Variants in IRF2BP2 observed in about 807,000 individuals in gnomAD.
The protein encoded by IRF2BP2 is interferon regulatory factor 2-binding protein 2.
Under a neutral mutation model 32.7 loss-of-function variants are expected in IRF2BP2, and 13 were observed. That is an observed-to-expected ratio of 0.40 (90% CI 0.26 to 0.63). The LOEUF (loss-of-function observed/expected upper bound fraction) is 0.63. IRF2BP2 is among the 30% of genes least tolerant of loss of function. The pLI, the probability that IRF2BP2 is intolerant of heterozygous loss-of-function variation, is 0.42. For missense variants in IRF2BP2, 980 were observed against 830.6 expected (o/e 1.18, Z -2.21); for synonymous variants, 555 against 384.6 (o/e 1.44, Z -5.18).
rs537798849 is a variant in IRF2BP2 at position 234,607,327 on chromosome 1, G to C, written c.1574C>G (p.Pro525Arg). 6.2e-7 allele frequency: 1 copy of C among 1,614,256 alleles called. No individual in the cohort carries two copies. The highest frequency in any genetic ancestry group is 1.1e-5 in the South Asian group (1 of 91,092). The change falls in exon 2 of 2, where the codon CCT becomes CGT. Residue 525 changes from proline (P) to arginine (R), a missense_variant. Coordinates refer to ENST00000366609, the MANE Select transcript of IRF2BP2 (RefSeq NM_182972.3). ...GCAAGGGAAGCAGAACTTGTGCGAA[G>C]GGACGGACGGGCACTGCACAAAATG... The part of the protein sequence containing the change: ...DTHFVQCPSV[P>R]SHKFCFPCSR...
rs952821060 is a variant in IRF2BP2, at chr1:234,609,633, AGGCGGC to A, written c.-145_-140del. 1.7e-4 allele frequency: 55 copies of A among 316,842 alleles called. No homozygotes were observed. Among genetic ancestry groups the A allele is most frequent in the African/African-American group, 5.9e-4 (25 of 42,038 alleles). The allele number at this position is 316,842 out of a possible 1,614,324, so 19.6% of individuals were successfully genotyped here. A position where few individuals can be genotyped will look rare whatever the true frequency, so the allele number is the denominator to read the frequency against. ...CCACCAGCGGCGGCGGCGGCCGCAA[AGGCGGC>A]GGCGGCGGCGGCAAAGCCCGCGAAG... On this transcript the variant is annotated 5_prime_UTR_variant, in exon 1 of 2. Transcript: ENST00000366609.
intron 1 of IRF2BP2, 143 bp from the exon 2 acceptor site, chr1:234,607,995 G>C: frequency 1.1e-5 from 7 of 659,574 alleles, no homozygotes; most frequent in Non-Finnish European, 1.5e-5. Context: ...TCATATACGA[G>C]TTTCAGGTGC....
rs991003828 is a variant in IRF2BP2 at position 234,609,764 on chromosome 1, G to T, written c.-270C>A. ...AGTTCCCCCCGGCCGGCCCGGGCAC[G>T]GGCGGGCGGCGCGGCGCGGCGGGGC... is the stretch of plus-strand genomic sequence containing the variant. On this transcript the variant is annotated 5_prime_UTR_variant, in exon 1 of 2. Transcript: ENST00000366609. 3.5e-5 allele frequency among the ~76,000 whole-genome samples: 5 copies of T among 144,216 alleles called. No individual in the cohort carries two copies. The highest frequency in any genetic ancestry group is 2.0e-4 in the East Asian group (1 of 4,914). The allele number at this position is 144,216 out of a possible 152,430, so 94.6% of individuals were successfully genotyped here.
rs1315367447 is a variant in IRF2BP2 at position 234,606,926 on chromosome 1, C to CA, written c.*210dup. On this transcript the variant is annotated 3_prime_UTR_variant, in exon 2 of 2. Coordinates refer to ENST00000366609, the MANE Select transcript of IRF2BP2 (RefSeq NM_182972.3). The stretch of plus-strand genomic sequence containing the variant: ...CACAAAGATATGCTAATAACGTTAA[C>CA]AAAAGAAAAAAATGTCTTTATAAGT... The CA allele has an allele frequency of 4.4e-6, 2 of 459,136 alleles. No individual in the cohort carries two copies. The highest frequency in any genetic ancestry group is 7.7e-6 in the Non-Finnish European group (2 of 259,034). The allele number at this position is 459,136 out of a possible 1,614,324, so 28.4% of individuals were successfully genotyped here.
Position 234,608,842 on chromosome 1 carries a change from C to T in IRF2BP2, c.653G>A (p.Gly218Glu). The change falls in exon 1 of 2, where the codon GGA becomes GAA. Residue 218 changes from glycine (G) to glutamate (E), a missense_variant. Coordinates refer to ENST00000366609, the MANE Select transcript of IRF2BP2 (RefSeq NM_182972.3). ...RAAASLAAVS[G>E]TAAASLGSAQ... The stretch of plus-strand genomic sequence containing the variant: ...GGAGCCCAGGCTGGCGGCCGCGGTT[C>T]CGGACACCGCGGCTAAGGAGGCGGC... The T allele has an allele frequency of 7.5e-7, 1 of 1,338,926 alleles. No individual in the cohort carries two copies. The highest frequency in any genetic ancestry group is 9.5e-7 in the Non-Finnish European group (1 of 1,055,170). The allele number at this position is 1,338,926 out of a possible 1,614,324, so 82.9% of individuals were successfully genotyped here.
intron 1 of IRF2BP2, 109 bp from the exon 2 acceptor site, chr1:234,607,961 T>A (rs186099375): frequency 2.3e-6 from 2 of 862,272 alleles, no homozygotes; most frequent in African/African-American, 1.7e-5. Context: ...ATTCCTCCTC[T>A]CTAAAAGCAC....
chr1:234,605,158 T>C lies in IRF2BP2; in HGVS notation c.*1979A>G, dbSNP rs1672125136. ...ACGACTGATCAAGTTGTAACATCTG[T>C]GAGGTCAAATTCCAAAGTGCCTAGA... On this transcript the variant is annotated 3_prime_UTR_variant, in exon 2 of 2. Coordinates refer to ENST00000366609, the MANE Select transcript of IRF2BP2 (RefSeq NM_182972.3). The C allele has an allele frequency of 1.0e-5, 1 of 96,126 alleles. No homozygotes were observed. The highest frequency in any genetic ancestry group is 9.7e-5 in the Admixed American group (1 of 10,314). 6.0% of individuals were successfully genotyped at this position (96,126 alleles called of 1,614,324 possible). A position where few individuals can be genotyped will look rare whatever the true frequency, so the allele number is the denominator to read the frequency against.
rs952773667 is a variant in IRF2BP2 at position 234,609,573 on chromosome 1, G to C, written c.-79C>G. 1.2e-6 allele frequency: 1 copy of C among 848,252 alleles called. No individual in the cohort carries two copies. The highest frequency in any genetic ancestry group is 1.8e-5 in the African/African-American group (1 of 54,770). 52.5% of individuals were successfully genotyped at this position (848,252 alleles called of 1,614,324 possible). On this transcript the variant is annotated 5_prime_UTR_variant, in exon 1 of 2. Transcript: ENST00000366609. ...CGCCGCCGCCCCCCACCGGCACCAC[G>C]CGCGCCCTCCTCCCCCCCCAACCCC...
rs773065109 is a variant in IRF2BP2, at chr1:234,608,446, C to T, written c.1048+1G>A. On this transcript the variant is annotated splice_donor_variant, in intron 1 of 1. Transcript: ENST00000366609. LOFTEE classifies it high-confidence loss of function. ...CCCCCTCACTTCACAGCCGCCCCTA[C>T]CTGCTTTAGACCCGTTGGCCCCGTT... The T allele has an allele frequency of 1.3e-6, 2 of 1,548,712 alleles. No homozygotes were observed. Among genetic ancestry groups the T allele is most frequent in the Non-Finnish European group, 1.7e-6 (2 of 1,142,864 alleles).
Position 234,606,771 on chromosome 1 carries a change from G to C in IRF2BP2, c.*366C>G, listed in dbSNP as rs1238030891. On this transcript the variant is annotated 3_prime_UTR_variant, in exon 2 of 2. Transcript: ENST00000366609. The stretch of plus-strand genomic sequence containing the variant: ...CTTACAATGTCAGAAAATGTATTTG[G>C]CTTTTTTTTTCTTTTTAAAATAAGT... The C allele has an allele frequency of 6.2e-6, 1 of 160,918 alleles. No homozygotes were observed. 10.0% of individuals were successfully genotyped at this position (160,918 alleles called of 1,614,324 possible). A position where few individuals can be genotyped will look rare whatever the true frequency, so the allele number is the denominator to read the frequency against.
rs1672311567 is a variant in IRF2BP2, at chr1:234,610,140, T to C, written c.-646A>G. Among the ~76,000 whole-genome samples, 3 of 148,120 alleles carry C rather than the reference T, an allele frequency of 2.0e-5. No homozygotes were observed. Among genetic ancestry groups the C allele is most frequent in the Non-Finnish European group, 3.0e-5 (2 of 66,400 alleles). ...CGCCTCAGCTCCGCCGCCGCCACCG[T>C]CGCTGCTGCTGCTGCCGCCGCGACC... On this transcript the variant is annotated 5_prime_UTR_variant, in exon 1 of 2. Transcript: ENST00000366609.
chr1:234,609,513 G>T lies in IRF2BP2; in HGVS notation c.-19C>A. On this transcript the variant is annotated 5_prime_UTR_variant, in exon 1 of 2. Coordinates refer to ENST00000366609, the MANE Select transcript of IRF2BP2 (RefSeq NM_182972.3). ...CGGCCATGTCCGAGGAGCCCGCGAC[G>T]CCGGAGGAGGAGGCGGAGGAGGAGG... The T allele has an allele frequency of 7.0e-7, 1 of 1,432,780 alleles. No homozygotes were observed. The highest frequency in any genetic ancestry group is 9.3e-7 in the Non-Finnish European group (1 of 1,080,882). 88.8% of individuals were successfully genotyped at this position (1,432,780 alleles called of 1,614,324 possible).
Position 234,608,875 on chromosome 1 carries a change from C to T in IRF2BP2, c.620G>A (p.Gly207Asp). 1 of 1,316,898 alleles carries T rather than the reference C, an allele frequency of 7.6e-7. No homozygotes were observed. Among genetic ancestry groups the T allele is most frequent in the Non-Finnish European group, 9.6e-7 (1 of 1,042,498 alleles). The allele number at this position is 1,316,898 out of a possible 1,614,324, so 81.6% of individuals were successfully genotyped here. Residue 207 changes from glycine (G) to aspartate (D), a missense_variant, in exon 1 of 2, where the codon GGC becomes GAC. By Grantham distance (94) the Gly-to-Asp change is moderately conservative (BLOSUM62 -1). Transcript: ENST00000366609. Reference sequence around the variant, plus strand: ...CGCGGCTAAGGAGGCGGCAGCGCGGCCGCCGAGGCCGAGCGCGGTGGGCAG... The same window carrying T: ...CGCGGCTAAGGAGGCGGCAGCGCGGTCGCCGAGGCCGAGCGCGGTGGGCAG... ...TPLPTALGLG[G>D]RAAASLAAVS...
At chr1:234,608,057 T>G (rs1672216090) in intron 1 of IRF2BP2, 1 of 570,872 alleles carries the variant, frequency 1.8e-6, no homozygotes. Context: ...AGCAGACTGA[T>G]TTAAAATGGA....
In IRF2BP2 at chr1:234,605,769, T is replaced by C. The variant is rs1489574033; in HGVS notation, c.*1368A>G. 3 of 152,218 alleles carry C rather than the reference T, an allele frequency of 2.0e-5. No individual in the cohort carries two copies. Among genetic ancestry groups the C allele is most frequent in the African/African-American group, 7.2e-5 (3 of 41,446 alleles). The allele number at this position is 152,218 out of a possible 1,614,324, so 9.4% of individuals were successfully genotyped here. ...ATCACTGTGAGACAACTATTTCTAA[T>C]AATTGATGATTTATTGGTTTTAAAA... On this transcript the variant is annotated 3_prime_UTR_variant, in exon 2 of 2. Coordinates refer to ENST00000366609, the MANE Select transcript of IRF2BP2 (RefSeq NM_182972.3).
Position 234,608,604 on chromosome 1 carries a change from G to A in IRF2BP2, c.891C>T (p.Asp297=), listed in dbSNP as rs534658803. ...GCACGGTCTTGGGCCTGTTGACCCA[G>A]TCCTGCTCTCCAGACCCGCGGCTCT... is the stretch of plus-strand genomic sequence containing the variant. ...AGKSRGSGEQ[D]WVNRPKTVRD... is the part of the protein sequence containing the mutation. The change falls in exon 1 of 2, where the codon GAC becomes GAT. Residue 297 remains aspartate, a synonymous_variant. Transcript: ENST00000366609. 1.3e-6 allele frequency: 2 copies of A among 1,593,122 alleles called. No individual in the cohort carries two copies. The highest frequency in any genetic ancestry group is 1.4e-5 in the African/African-American group (1 of 73,498).
chr1:234,606,436 T>C lies in IRF2BP2; in HGVS notation c.*701A>G, dbSNP rs1483128082. 3.3e-5 allele frequency: 5 copies of C among 151,106 alleles called. No homozygotes were observed. The South Asian group carries it at 8.3e-4, about 25-fold the overall frequency. 9.4% of individuals were successfully genotyped at this position (151,106 alleles called of 1,614,324 possible). A position where few individuals can be genotyped will look rare whatever the true frequency, so the allele number is the denominator to read the frequency against. ...ATCTTACAACTGATCACGTGGACAG[T>C]GAACAGCGGTCAACTTTGTCTTAAA... On this transcript the variant is annotated 3_prime_UTR_variant, in exon 2 of 2. Transcript: ENST00000366609.
Position 234,607,527 on chromosome 1 carries a change from C to A in IRF2BP2, c.1374G>T (p.Pro458=). The A allele has an allele frequency of 4.3e-6, 7 of 1,614,144 alleles. No individual in the cohort carries two copies. The highest frequency in any genetic ancestry group is 1.3e-5 in the African/African-American group (1 of 75,064). The part of the protein sequence containing the change: ...HSTTRRNSNS[P]PSPSSMNQRR... Reference sequence around the variant, plus strand: ...TTTGGTTCATAGAGGACGGAGAGGGCGGACTGTTGCTATTCCTCCTGGTAG... The same window carrying A: ...TTTGGTTCATAGAGGACGGAGAGGGAGGACTGTTGCTATTCCTCCTGGTAG... The change falls in exon 2 of 2, where the codon CCG becomes CCT. Residue 458 remains proline, a synonymous_variant. Coordinates refer to ENST00000366609, the MANE Select transcript of IRF2BP2 (RefSeq NM_182972.3).
In IRF2BP2 at chr1:234,608,399, C is replaced by T. The variant is rs1483814224; in HGVS notation, c.1048+48G>A. The T allele has an allele frequency of 2.6e-5, 35 of 1,368,276 alleles. 1 individual carries two copies. The highest frequency in any genetic ancestry group is 3.3e-5 in the Non-Finnish European group (34 of 1,032,142). 84.8% of individuals were successfully genotyped at this position (1,368,276 alleles called of 1,614,324 possible). On this transcript the variant is annotated intron_variant, in intron 1 of 1. Transcript: ENST00000366609. ...CAAAGAACCACCCTTCCTCTGCTCT[C>T]CGTCCCCTTTTCTCCCCTAGACCCC...
Sources: allele counts gnomAD v4.1 joint callset (sites outside exome capture counted in the v4.1 genomes callset), GRCh38; gene constraint gnomAD v4.1.1; transcripts MANE v1.5; gene names NCBI Gene and HGNC (gene_info 2026-07-23, HGNC 2026-07-21).